C10orf67: variants seen among roughly 807,000 people sequenced by gnomAD.
C10orf67 encodes the protein chromosome 10 open reading frame 67.
C10orf67 carries 60 observed loss-of-function variants against 35.6 expected under a neutral mutation model. That is an observed-to-expected ratio of 1.68 (90% CI 1.37 to 2.09). The LOEUF (loss-of-function observed/expected upper bound fraction) is 2.09, where lower values mean the gene tolerates loss of function less well. Ranked by LOEUF, C10orf67 falls within the 30% of genes most tolerant of loss-of-function variation. The pLI, the probability that C10orf67 is intolerant of heterozygous loss-of-function variation, is 0.00. For synonymous variants in C10orf67, 167 were observed against 115.8 expected (o/e 1.44, Z -2.84); for missense variants, 474 against 330.2 (o/e 1.44, Z -3.38).
chr10:23,314,857 A>G (rs538891958), intron 4 of C10orf67, among the ~76,000 whole-genome samples: 118 of 152,156 alleles, frequency 7.8e-4, no homozygotes, highest in African/African-American at 2.8e-3. Context: ...ATTACATACA[A>G]CTCTTTATCT....
Position 23,267,349 on chromosome 10 carries a change from G to A in C10orf67, c.976-95C>T, listed in dbSNP as rs150346420. On this transcript the variant is annotated intron_variant, in intron 8 of 15. Transcript: ENST00000636213. ...CTTCTATAAGCAATGAAAGAGTAAC[G>A]TTTTAAACCATTTGTCTCCCAAAAC... The A allele has an allele frequency of 6.5e-4, 371 of 570,302 alleles. 1 individual carries two copies. The highest frequency in any genetic ancestry group is 5.8e-3 in the African/African-American group (308 of 53,390). 35.3% of individuals were successfully genotyped at this position (570,302 alleles called of 1,614,324 possible).
chr10:23,223,577 T>G, intron 15 of C10orf67, 21 bp downstream of exon 15: 1 of 717,228 alleles, frequency 1.4e-6, no homozygotes, highest in Admixed American at 2.0e-5. Context: ...GAACCTCATT[T>G]CCAACAATAA....
rs573363427 is a variant in C10orf67, at chr10:23,262,899, G to A, written c.1200+3363C>T. Among the ~76,000 whole-genome samples the A allele has an allele frequency of 3.9e-5, 6 of 152,200 alleles. No individual in the cohort carries two copies. The East Asian group carries it at 1.2e-3, about 29-fold the overall frequency. The stretch of plus-strand genomic sequence containing the variant: ...AGATTAATTCATTTTAGTGATAAAT[G>A]AAAAATGTGATTTTCAATGATTTTG... On this transcript the variant is annotated intron_variant, in intron 10 of 15. Transcript: ENST00000636213.
intron 4 of C10orf67, among the ~76,000 whole-genome samples, chr10:23,315,307 T>C (rs1191279195): frequency 6.6e-6 from 1 of 152,254 alleles, no homozygotes; most frequent in Non-Finnish European, 1.5e-5. Flanking sequence ...GTATAAAGCA[T>C]ATGGACAAAG....
intron 5 of C10orf67, among the ~76,000 whole-genome samples, chr10:23,299,456 G>A (rs1843998911): frequency 6.6e-6 from 1 of 152,150 alleles, no homozygotes. Context: ...GACAACAAAT[G>A]GGGTGTTCCT....
chr10:23,310,768 C>T (rs1844465468), intron 4 of C10orf67, among the ~76,000 whole-genome samples: 1 of 152,166 alleles, frequency 6.6e-6, no homozygotes, highest in Non-Finnish European at 1.5e-5. Flanking sequence ...AGGAGAAATA[C>T]TCTCTTTCTC....
chr10:23,217,788 A>C (rs534733887), intron 15 of C10orf67, among the ~76,000 whole-genome samples: 10 of 152,350 alleles, frequency 6.6e-5, no homozygotes, highest in African/African-American at 2.4e-4. Context: ...GATGCTTAAA[A>C]ACATATTAGA....
chr10:23,269,664 T>C (rs1203291456), intron 8 of C10orf67, among the ~76,000 whole-genome samples: 1 of 151,486 alleles, frequency 6.6e-6, no homozygotes, highest in Non-Finnish European at 1.5e-5. Context: ...TAAATATAAA[T>C]ATACTGAGAA....
At chr10:23,344,078 T>C (rs1257097351) in intron 1 of C10orf67, 2 of 238,610 alleles carry the variant, frequency 8.4e-6, no homozygotes, top group South Asian at 4.4e-5. Flanking sequence ...TCCGTTGCCA[T>C]GGCGACTCCC....
At chr10:23,301,482 C>T (rs562332691) in intron 5 of C10orf67, among the ~76,000 whole-genome samples, 32 of 152,254 alleles carry the variant, frequency 2.1e-4, no homozygotes, top group East Asian at 1.4e-3. Flanking sequence ...GAAAGTGGTC[C>T]CAATATTACT....
intron 12 of C10orf67, among the ~76,000 whole-genome samples, chr10:23,241,399 G>C (rs1189791678): frequency 2.6e-5 from 4 of 152,186 alleles, no homozygotes; most frequent in African/African-American, 4.8e-5. Context: ...GTTTGGACTT[G>C]AGTTGGTGCT....
At chr10:23,338,268 T>C (rs1341313109) in intron 1 of C10orf67, among the ~76,000 whole-genome samples, 2 of 152,140 alleles carry the variant, frequency 1.3e-5, no homozygotes, top group African/African-American at 4.8e-5. Flanking sequence ...TCGAACAAAA[T>C]GGCCATGGTG....
intron 13 of C10orf67, among the ~76,000 whole-genome samples, chr10:23,237,938 G>A (rs1029238910): frequency 6.6e-6 from 1 of 152,156 alleles, no homozygotes; most frequent in Non-Finnish European, 1.5e-5. Context: ...TACCCCAATA[G>A]TATTATCATA....
chr10:23,236,075 C>T (rs1451778111), intron 13 of C10orf67, among the ~76,000 whole-genome samples: 1 of 151,778 alleles, frequency 6.6e-6, no homozygotes, highest in African/African-American at 2.4e-5. Flanking sequence ...AGTGAAACCC[C>T]GTCTCTACTA....
intron 2 of C10orf67, among the ~76,000 whole-genome samples, chr10:23,323,786 C>T (rs1194978872): frequency 6.8e-6 from 1 of 147,742 alleles, no homozygotes; most frequent in Non-Finnish European, 1.5e-5. Flanking sequence ...GCAGTGCGCC[C>T]CTGTAATCCC....
chr10:23,343,623 T>C (rs1188073930), intron 1 of C10orf67, among the ~76,000 whole-genome samples: 1 of 152,136 alleles, frequency 6.6e-6, no homozygotes, highest in Non-Finnish European at 1.5e-5. Flanking sequence ...CTGAGAAAAC[T>C]GAGGCACAGA....
chr10:23,228,145 C>T (rs1360527133), intron 13 of C10orf67, among the ~76,000 whole-genome samples: 1 of 152,038 alleles, frequency 6.6e-6, no homozygotes, highest in Non-Finnish European at 1.5e-5. Flanking sequence ...AATCCTAAGC[C>T]AAAAGAACAA....
chr10:23,219,950 T>G (rs1429181558), intron 15 of C10orf67, among the ~76,000 whole-genome samples: 3 of 152,140 alleles, frequency 2.0e-5, no homozygotes, highest in Non-Finnish European at 4.4e-5. Flanking sequence ...GACAGCAGGA[T>G]AGCTTGAGCC....
At chr10:23,334,856 A>T (rs1845613133) in intron 1 of C10orf67, among the ~76,000 whole-genome samples, 1 of 152,222 alleles carries the variant, frequency 6.6e-6, no homozygotes, top group Admixed American at 6.5e-5. Context: ...GGTGACTACA[A>T]GGGGGGCCAG....
Sources: gnomAD v4.1 joint callset for allele counts (sites outside exome capture counted in the v4.1 genomes callset) on GRCh38, gnomAD v4.1.1 for gene constraint, MANE v1.5 for transcripts, NCBI Gene and HGNC (gene_info 2026-07-23, HGNC 2026-07-21) for gene names.